TMEM132B: variants seen among roughly 807,000 people sequenced by gnomAD.
The protein encoded by TMEM132B is transmembrane protein 132B.
In TMEM132B, 18 loss-of-function variants were observed where a neutral mutation model predicts 90.8. The ratio of observed to expected loss-of-function variants is 0.20; its 90% CI spans 0.14 to 0.29. The LOEUF (loss-of-function observed/expected upper bound fraction) is 0.29. TMEM132B is among the 10% of genes least tolerant of loss of function. The pLI is 1.00. For missense variants in TMEM132B, 1,096 were observed against 1,326.8 expected, an observed-to-expected ratio of 0.83 and a Z score of 2.70; for synonymous variants, 504 against 523.3, an observed-to-expected ratio of 0.96 and a Z score of 0.50.
rs1887218271 is a variant in TMEM132B at position 125,662,118 on chromosome 12, G to T, written c.*7408G>T. The T allele has an allele frequency of 6.6e-6, 1 of 152,218 alleles. No individual in the cohort carries two copies. Among genetic ancestry groups the T allele is most frequent in the Non-Finnish European group, 1.5e-5 (1 of 68,052 alleles). 9.4% of individuals were successfully genotyped at this position (152,218 alleles called of 1,614,324 possible). ...TGGGGACAAGTTTTGTCTGGCATTT[G>T]AAAAGGTGTTATCCCTTACTTTCCA... On this transcript the variant is annotated 3_prime_UTR_variant, in exon 9 of 9. Transcript: ENST00000682704.
rs866787237 is a variant in TMEM132B at position 125,399,489 on chromosome 12, G to A, written c.960-16042G>A. Among the ~76,000 whole-genome samples, 187 of 144,220 alleles carry A rather than the reference G, an allele frequency of 1.3e-3. 1 individual carries two copies. The highest frequency in any genetic ancestry group is 4.1e-3 in the African/African-American group (148 of 35,822). The allele number at this position is 144,220 out of a possible 152,430, so 94.6% of individuals were successfully genotyped here. ...TGTGTGTGTGTGTGTGTGTATGTGT[G>A]TGTGTGTGTGTGTGTGTGTGTGTGT... On this transcript the variant is annotated intron_variant, in intron 2 of 8. Transcript: ENST00000682704.
intron 3 of TMEM132B, among the ~76,000 whole-genome samples, chr12:125,483,261 A>G (rs1030514413): frequency 1.3e-5 from 2 of 152,140 alleles, no homozygotes; most frequent in Non-Finnish European, 2.9e-5. Context: ...AACATTAACA[A>G]TGAATAGTGA....
Position 125,406,610 on chromosome 12 carries a change from G to A in TMEM132B, c.960-8921G>A, listed in dbSNP as rs777385889. ...GTCGGAGGACTGGGTGGATGATATG[G>A]GGTATAAAAATATTTCACAGTCTTG... is the stretch of plus-strand genomic sequence containing the variant. On this transcript the variant is annotated intron_variant, in intron 2 of 8. Coordinates refer to ENST00000682704, the MANE Select transcript of TMEM132B (RefSeq NM_001366854.1). The surrounding 1 kb of genome is among the most constrained non-coding windows in gnomAD (Gnocchi z 8.3). Among the ~76,000 whole-genome samples the A allele has an allele frequency of 5.9e-5, 9 of 152,100 alleles. No homozygotes were observed. Among genetic ancestry groups the A allele is most frequent in the Admixed American group, 1.3e-4 (2 of 15,278 alleles).
intron 2 of TMEM132B, among the ~76,000 whole-genome samples, chr12:125,375,237 T>C (rs1878437742): frequency 6.6e-6 from 1 of 152,194 alleles, no homozygotes; most frequent in Admixed American, 6.5e-5. Context: ...AGACTCAGAA[T>C]CTAACCTGTG....
intron 5 of TMEM132B, 89 bp from the exon 6 acceptor site, chr12:125,643,987 C>T: frequency 2.6e-6 from 3 of 1,169,416 alleles, no homozygotes; most frequent in Non-Finnish European, 1.3e-6. Context: ...TAAATCAGAG[C>T]TGCTGCAGTT....
chr12:125,539,049 T>C (rs970203950), intron 4 of TMEM132B, among the ~76,000 whole-genome samples: 1 of 152,154 alleles, frequency 6.6e-6, no homozygotes, highest in Non-Finnish European at 1.5e-5. Context: ...CCTGTTCCAC[T>C]CCCGTGTCAT....
At chr12:125,281,091 C>T (rs1475868243) in intron 1 of TMEM132B, among the ~76,000 whole-genome samples, 3 of 152,168 alleles carry the variant, frequency 2.0e-5, no homozygotes, top group African/African-American at 7.2e-5. Context: ...GTGAGAAAGG[C>T]CCCAGCAGGG....
At chr12:125,316,086 G>A (rs1201856249) in intron 1 of TMEM132B, among the ~76,000 whole-genome samples, 5 of 152,192 alleles carry the variant, frequency 3.3e-5, no homozygotes, top group Non-Finnish European at 5.9e-5. Flanking sequence ...CACTCCCTTA[G>A]CTTCAAGTTG....
chr12:125,200,222 G>A (rs1018538127), intron 1 of TMEM132B, among the ~76,000 whole-genome samples: 1 of 152,168 alleles, frequency 6.6e-6, no homozygotes, highest in Non-Finnish European at 1.5e-5. Context: ...GCAATTTGCT[G>A]AATGCATAAA....
intron 1 of TMEM132B, among the ~76,000 whole-genome samples, chr12:125,196,230 G>A (rs1872922179): frequency 6.6e-6 from 1 of 152,178 alleles, no homozygotes; most frequent in East Asian, 1.9e-4. Flanking sequence ...TTTATTGAGT[G>A]TCTACTATGT....
At chr12:125,319,556 C>T (rs555306761) in intron 1 of TMEM132B, among the ~76,000 whole-genome samples, 1 of 152,212 alleles carries the variant, frequency 6.6e-6, no homozygotes, top group Non-Finnish European at 1.5e-5. Context: ...CTGATGGTGA[C>T]CTCAGACTAC....
chr12:125,504,922 C>T (rs1395176362), intron 3 of TMEM132B, among the ~76,000 whole-genome samples: 1 of 151,942 alleles, frequency 6.6e-6, no homozygotes, highest in East Asian at 1.9e-4. Flanking sequence ...AAAGAGAGGC[C>T]TCACATTCTG....
rs1023963872 is a variant in TMEM132B, at chr12:125,402,314, G to T, written c.960-13217G>T. The stretch of plus-strand genomic sequence containing the variant: ...AAGCAATTCTCCTGCCTCAGCCTCT[G>T]GAGTAGGTGGGATTACAGGCAACCA... On this transcript the variant is annotated intron_variant, in intron 2 of 8. Coordinates refer to ENST00000682704, the MANE Select transcript of TMEM132B (RefSeq NM_001366854.1). Among the ~76,000 whole-genome samples the T allele has an allele frequency of 1.3e-5, 2 of 152,100 alleles. 1 individual carries two copies. The highest frequency in any genetic ancestry group is 1.3e-4 in the Admixed American group (2 of 15,266).
At chr12:125,243,669 G>A (rs1023103269) in intron 1 of TMEM132B, among the ~76,000 whole-genome samples, 1 of 152,194 alleles carries the variant, frequency 6.6e-6, no homozygotes, top group African/African-American at 2.4e-5. Context: ...CAGGTAGGGG[G>A]TATAGTACCC....
intron 1 of TMEM132B, among the ~76,000 whole-genome samples, chr12:125,309,285 C>T (rs529319040): frequency 6.6e-6 from 1 of 152,316 alleles, no homozygotes; most frequent in South Asian, 2.1e-4. Flanking sequence ...AAAAATATCA[C>T]TTTATCTGCC....
intron 1 of TMEM132B, among the ~76,000 whole-genome samples, chr12:125,276,994 G>A (rs1382968347): frequency 6.6e-6 from 1 of 152,168 alleles, no homozygotes; most frequent in Non-Finnish European, 1.5e-5. Context: ...GAGGTTGCGA[G>A]TCAGAAGGCT....
chr12:125,594,289 TTATC>T (rs1885388206), intron 5 of TMEM132B, among the ~76,000 whole-genome samples: 1 of 152,236 alleles, frequency 6.6e-6, no homozygotes, highest in African/African-American at 2.4e-5. Flanking sequence ...ATATCACTGT[TTATC>T]AATCTATTGA....
chr12:125,494,420 C>T (rs112411361), intron 3 of TMEM132B, among the ~76,000 whole-genome samples: 50,209 of 118,742 alleles, frequency 0.42, 11,651 homozygotes, highest in Middle Eastern at 0.55. Context: ...TCCTCCCCCT[C>T]CTCCCTGGAA....
intron 2 of TMEM132B, among the ~76,000 whole-genome samples, chr12:125,386,520 TTTTGCA>T (rs1300316738): frequency 2.6e-5 from 4 of 152,238 alleles, no homozygotes; most frequent in African/African-American, 9.6e-5. Flanking sequence ...AGTAGATTCT[TTTTGCA>T]TTTGCATTTT....
Sources: gnomAD v4.1 joint callset for allele counts (sites outside exome capture counted in the v4.1 genomes callset) on GRCh38, gnomAD v4.1.1 for gene constraint, Gnocchi (gnomAD v3.1) non-coding constraint, MANE v1.5 for transcripts, NCBI Gene and HGNC (gene_info 2026-07-23, HGNC 2026-07-21) for gene names.